Variants in SIPA1L3 observed in about 807,000 individuals in gnomAD.
The protein encoded by SIPA1L3 is signal induced proliferation associated 1 like 3, also known as signal-induced proliferation-associated 1-like protein 3.
A neutral mutation model predicts 150.1 loss-of-function variants in SIPA1L3; 59 were observed. The ratio of observed to expected loss-of-function variants is 0.39; its 90% confidence interval spans 0.32 to 0.49. SIPA1L3 has a LOEUF of 0.49. Among genes scored for constraint, SIPA1L3 ranks in the 20% least tolerant of loss-of-function variants. The pLI, the probability that SIPA1L3 is intolerant of heterozygous loss-of-function variation, is 0.86. For missense variants in SIPA1L3, 2,211 were observed against 2,489.5 expected (o/e 0.89, Z 2.38); for synonymous variants, 1,070 against 1,077.6 (o/e 0.99, Z 0.14).
Position 38,100,080 on chromosome 19 carries a change from T to C in SIPA1L3, c.1784T>C (p.Ile595Thr). ...GAGTATGTCATCCCCGAGCTCAACATCCACTGCCTGCGGCTGGCCCTCAAC... is the reference window on the plus strand; with the variant it reads ...GAGTATGTCATCCCCGAGCTCAACACCCACTGCCTGCGGCTGGCCCTCAAC... Reference protein sequence around the residue: ...ALEYVIPELNIHCLRLALNTP... With the variant: ...ALEYVIPELNTHCLRLALNTP... Residue 595 changes from isoleucine to threonine, a missense_variant, in exon 5 of 22, where the codon ATC becomes ACC. Ile to Thr is a moderately conservative substitution (Grantham distance 89). Coordinates refer to ENST00000222345, the MANE Select transcript of SIPA1L3 (RefSeq NM_015073.3). The C allele has an allele frequency of 6.2e-7, 1 of 1,612,062 alleles. No individual in the cohort carries two copies. The highest frequency in any genetic ancestry group is 8.5e-7 in the Non-Finnish European group (1 of 1,179,284).
intron 1 of SIPA1L3, among the ~76,000 whole-genome samples, chr19:37,976,945 C>G (rs1377966009): frequency 1.3e-5 from 2 of 152,128 alleles, no homozygotes; most frequent in Admixed American, 1.3e-4. Context: ...GGTGATCCTC[C>G]CATCTCAGCC....
intron 1 of SIPA1L3, among the ~76,000 whole-genome samples, chr19:37,948,676 G>A (rs2046734841): frequency 6.6e-6 from 1 of 152,148 alleles, no homozygotes; most frequent in Non-Finnish European, 1.5e-5. Flanking sequence ...CTCAGGACAG[G>A]CACGGCCCCC....
chr19:38,131,589 T>A (rs1971307823), intron 10 of SIPA1L3: 1 of 156,040 alleles, frequency 6.4e-6, no homozygotes, highest in Non-Finnish European at 1.4e-5. Flanking sequence ...AGTGGGAAGC[T>A]GGTAGGTGAC....
At chr19:38,022,837 T>G (rs932447744) in intron 1 of SIPA1L3, among the ~76,000 whole-genome samples, 1 of 152,240 alleles carries the variant, frequency 6.6e-6, no homozygotes, top group Non-Finnish European at 1.5e-5. Context: ...CACATGGGTC[T>G]GGGGGCTCAG....
At chr19:38,006,274 A>T (rs769682492) in intron 1 of SIPA1L3, among the ~76,000 whole-genome samples, 1 of 152,136 alleles carries the variant, frequency 6.6e-6, no homozygotes, top group Non-Finnish European at 1.5e-5. Context: ...AAAGGCCCGA[A>T]CCTAGAAGCA....
At chr19:38,045,638 G>T (rs12977585) in intron 2 of SIPA1L3, among the ~76,000 whole-genome samples, 7,833 of 152,150 alleles carry the variant, frequency 0.051, 291 homozygotes, top group East Asian at 0.1. Context: ...GGAGGTGGGG[G>T]TCTTATTCCA....
At chr19:38,139,547 G>C (rs1329359930) in intron 10 of SIPA1L3, among the ~76,000 whole-genome samples, 1 of 152,088 alleles carries the variant, frequency 6.6e-6, no homozygotes, top group Non-Finnish European at 1.5e-5. Flanking sequence ...TCCTCACCTG[G>C]TGCCTGGTGA....
chr19:38,040,682 C>G (rs1027002605), intron 2 of SIPA1L3, among the ~76,000 whole-genome samples: 1 of 152,192 alleles, frequency 6.6e-6, no homozygotes, highest in African/African-American at 2.4e-5. Context: ...ATTCAAAATT[C>G]TAGTTGAAAT....
chr19:38,103,820 T>G (rs1970560648), intron 6 of SIPA1L3, among the ~76,000 whole-genome samples: 1 of 139,274 alleles, frequency 7.2e-6, no homozygotes, highest in Non-Finnish European at 1.5e-5. Flanking sequence ...GAGAATGGCG[T>G]GAACCCGCAA....
At position 38,082,114 on chromosome 19, in the gene SIPA1L3, C is replaced by G; in HGVS notation, c.549C>G (p.Asp183Glu). The change falls in exon 3 of 22, where the codon GAC (aspartate) becomes GAG (glutamate). Residue 183 changes from aspartate to glutamate, a missense_variant. By Grantham distance (45) the Asp-to-Glu change is conservative (BLOSUM62 2). This residue lies in a region of SIPA1L3 where 587 missense variants were observed against 534.5 expected (regional missense o/e 1.10). Coordinates refer to ENST00000222345, the MANE Select transcript of SIPA1L3 (RefSeq NM_015073.3). ...CCCTCAGCGAGTGTGACGCGGAGGA[C>G]GCGGGGGAGCCGCGGGGGGCCCGGC... Reference protein sequence around the residue: ...EITLSECDAEDAGEPRGARHT... With the variant: ...EITLSECDAEEAGEPRGARHT... 1 of 1,607,784 alleles carries G rather than the reference C, an allele frequency of 6.2e-7. No homozygotes were observed. Among genetic ancestry groups the G allele is most frequent in the Non-Finnish European group, 8.5e-7 (1 of 1,179,128 alleles).
chr19:38,175,695 G>T (rs1600172088), intron 15 of SIPA1L3, among the ~76,000 whole-genome samples: 1 of 152,146 alleles, frequency 6.6e-6, no homozygotes, highest in South Asian at 2.1e-4. Context: ...TAGCACATAG[G>T]ATCTCGTGAG....
chr19:37,925,862 G>A (rs1164034874), intron 1 of SIPA1L3, among the ~76,000 whole-genome samples: 1 of 152,118 alleles, frequency 6.6e-6, no homozygotes, highest in Admixed American at 6.5e-5. Flanking sequence ...AAAGTGCTGG[G>A]ATTACAGGCG....
chr19:38,011,808 G>A (rs1040998044), intron 1 of SIPA1L3, among the ~76,000 whole-genome samples: 3 of 152,176 alleles, frequency 2.0e-5, no homozygotes, highest in Non-Finnish European at 2.9e-5. Context: ...GGCAAAGGTG[G>A]CCTGGGGAGG....
chr19:38,021,599 T>C (rs1256501232), intron 1 of SIPA1L3, among the ~76,000 whole-genome samples: 2 of 151,702 alleles, frequency 1.3e-5, no homozygotes, highest in Non-Finnish European at 2.9e-5. Flanking sequence ...TGCAATGCAG[T>C]GATGCAGTCA....
Position 38,206,379 on chromosome 19 carries a change from A to T in SIPA1L3, c.*139A>T. 1 of 1,035,252 alleles carries T rather than the reference A, an allele frequency of 9.7e-7. No individual in the cohort carries two copies. Among genetic ancestry groups the T allele is most frequent in the Non-Finnish European group, 1.4e-6 (1 of 725,808 alleles). 64.1% of individuals were successfully genotyped at this position (1,035,252 alleles called of 1,614,324 possible). A position where few individuals can be genotyped will look rare whatever the true frequency, so the allele number is the denominator to read the frequency against. On this transcript the variant is annotated 3_prime_UTR_variant, in exon 22 of 22. Transcript: ENST00000222345. ...CCTCCCCATGGACACGGAAACTCCG[A>T]TGGCCTCACTAGGGCTGTGAGTCAG... is the stretch of plus-strand genomic sequence containing the variant.
intron 1 of SIPA1L3, among the ~76,000 whole-genome samples, chr19:37,920,058 ATTTTTTT>A (rs770521761): frequency 6.7e-5 from 8 of 119,612 alleles, no homozygotes; most frequent in Non-Finnish European, 1.4e-4. Context: ...TTGGTTTGTA[ATTTTTTT>A]TTTTTTTTTT....
intron 3 of SIPA1L3, among the ~76,000 whole-genome samples, chr19:38,085,986 ACT>A (rs1367637224): frequency 1.3e-5 from 2 of 151,798 alleles, no homozygotes; most frequent in East Asian, 1.9e-4. Flanking sequence ...ACAGAGTGAG[ACT>A]CTGTCCCCTC....
At chr19:37,909,428 T>C (rs10401880) in intron 1 of SIPA1L3, among the ~76,000 whole-genome samples, 102,309 of 151,764 alleles carry the variant, frequency 0.67, 35,988 homozygotes, top group African/African-American at 0.87. Context: ...AGGCTGGTCT[T>C]GAACTCCTGA....
chr19:37,911,584 C>T (rs2145464993), intron 1 of SIPA1L3, among the ~76,000 whole-genome samples: 1 of 151,558 alleles, frequency 6.6e-6, no homozygotes, highest in South Asian at 2.1e-4. Context: ...TCTCAGCTCA[C>T]TGCAAGCTCC....
Sources: gnomAD v4.1 joint callset for allele counts (sites outside exome capture counted in the v4.1 genomes callset) on GRCh38, gnomAD v4.1.1 for gene constraint, gnomAD v4.1.1 regional missense constraint, MANE v1.5 for transcripts, NCBI Gene and HGNC (gene_info 2026-07-23, HGNC 2026-07-21) for gene names.